DMD: variants seen among roughly 807,000 people sequenced by gnomAD.
DMD encodes mutant dystrophin.
In DMD, 63 loss-of-function variants were observed where a neutral mutation model predicts 330.1. The observed-to-expected ratio is 0.19, with a 90% confidence interval of 0.16 to 0.24. DMD has a LOEUF of 0.24. DMD is among the 10% of genes least tolerant of loss of function. The pLI is 1.00. For synonymous variants in DMD, 1,223 were observed against 959.8 expected (o/e 1.27, Z -5.07); for missense variants, 3,344 against 2,684.1 (o/e 1.25, Z -5.43).
chrX:32,095,697 T>G (rs964508572), intron 44 of DMD, among the ~76,000 whole-genome samples: 2 of 112,124 alleles, frequency 1.8e-5, no homozygotes, highest in African/African-American at 6.5e-5. Context: ...AATGTCAATC[T>G]TGCATTTTAA....
At chrX:32,132,807 C>A (rs1390442575) in intron 44 of DMD, among the ~76,000 whole-genome samples, 1 of 109,911 alleles carries the variant, frequency 9.1e-6, no homozygotes, top group African/African-American at 3.3e-5. Flanking sequence ...CATTGAATAC[C>A]CTTAGAGTTA....
At position 31,337,166 on chromosome X, in the gene DMD, G is replaced by A. The variant is rs772236418; in HGVS notation, c.9163+11390C>T. 3.6e-5 allele frequency among the ~76,000 whole-genome samples: 4 copies of A among 109,630 alleles called. No homozygotes were observed. In the Admixed American group the frequency reaches 3.9e-4, roughly 11 times the overall value. ...TCTCCAACTCCTGACCTCGTGATCC[G>A]CCCGCCTCAGCCTCCCAAAGTGCTG... is the stretch of plus-strand genomic sequence containing the variant. On this transcript the variant is annotated intron_variant, in intron 61 of 78. Transcript: ENST00000357033.
intron 43 of DMD, among the ~76,000 whole-genome samples, chrX:32,273,281 TAAAACAAAAC>T (rs74314252): frequency 9.3e-6 from 1 of 107,151 alleles, no homozygotes; most frequent in Non-Finnish European, 1.9e-5. Context: ...GCTCCTTAAA[TAAAACAAAAC>T]AAAACAAAAC....
At chrX:32,565,440 T>C (rs901240802) in intron 16 of DMD, among the ~76,000 whole-genome samples, 9 of 111,742 alleles carry the variant, frequency 8.1e-5, no homozygotes, top group African/African-American at 2.9e-4. Flanking sequence ...TTTGTTCGCC[T>C]GCTCTAAGTC....
intron 44 of DMD, among the ~76,000 whole-genome samples, chrX:32,171,649 T>C (rs1368310045): frequency 9.0e-6 from 1 of 111,356 alleles, no homozygotes; most frequent in Non-Finnish European, 1.9e-5. Flanking sequence ...CCCAATTTCA[T>C]CTAAGAGATG....
chrX:32,579,573 C>T (rs1480923105), intron 13 of DMD, among the ~76,000 whole-genome samples: 1 of 112,303 alleles, frequency 8.9e-6, no homozygotes, highest in Non-Finnish European at 1.9e-5. Flanking sequence ...ATCCAGATGC[C>T]GAATCCCTTT....
chrX:32,612,158 TG>T (rs1230565991), intron 12 of DMD, among the ~76,000 whole-genome samples: 1 of 111,587 alleles, frequency 9.0e-6, no homozygotes, highest in East Asian at 2.8e-4. Context: ...TCAGTCTTAC[TG>T]GGGAATCTCT....
At chrX:31,951,558 T>G (rs1454158522) in intron 45 of DMD, among the ~76,000 whole-genome samples, 1 of 110,557 alleles carries the variant, frequency 9.0e-6, no homozygotes, top group Non-Finnish European at 1.9e-5. Context: ...GTGCTTGCTC[T>G]AAAGATTACA....
At chrX:31,507,738 A>G (rs906179776) in intron 55 of DMD, among the ~76,000 whole-genome samples, 4 of 112,169 alleles carry the variant, frequency 3.6e-5, no homozygotes, top group African/African-American at 1.3e-4. Flanking sequence ...AAAGTTCACA[A>G]GTTATATCTT....
intron 52 of DMD, among the ~76,000 whole-genome samples, chrX:31,698,234 G>A (rs1486165104): frequency 9.0e-6 from 1 of 111,424 alleles, no homozygotes; most frequent in Non-Finnish European, 1.9e-5. Flanking sequence ...GAAGAGTGAC[G>A]GACATGACTA....
intron 44 of DMD, among the ~76,000 whole-genome samples, chrX:32,102,396 T>A (rs2096544255): frequency 9.0e-6 from 1 of 111,630 alleles, no homozygotes; most frequent in Non-Finnish European, 1.9e-5. Context: ...TCCTGTATTG[T>A]TCCTAACTCA....
At chrX:31,876,469 A>G (rs1234461689) in intron 47 of DMD, among the ~76,000 whole-genome samples, 3 of 111,944 alleles carry the variant, frequency 2.7e-5, no homozygotes, top group African/African-American at 9.7e-5. Context: ...ATCCCTGAAC[A>G]TACCTTAGAG....
intron 41 of DMD, among the ~76,000 whole-genome samples, chrX:32,339,281 C>T (rs1220354397): frequency 8.9e-6 from 1 of 111,955 alleles, no homozygotes; most frequent in Admixed American, 9.5e-5. Context: ...TGTGATAGTA[C>T]ATCCTATAGA....
chrX:31,335,725 G>A (rs1423961181), intron 61 of DMD, among the ~76,000 whole-genome samples: 2 of 112,351 alleles, frequency 1.8e-5, no homozygotes, highest in Non-Finnish European at 3.8e-5. Flanking sequence ...CCCAGTGACT[G>A]TAATGGGCCT....
At position 32,418,375 on chromosome X, in the gene DMD, A is replaced by C. The variant is rs143689798; in HGVS notation, c.4072-6462T>G. Among the ~76,000 whole-genome samples the C allele has an allele frequency of 7.3e-3, 821 of 111,765 alleles. 7 individuals are homozygous for C. Among genetic ancestry groups the C allele is most frequent in the African/African-American group, 0.025 (784 of 30,841 alleles). On this transcript the variant is annotated intron_variant, in intron 29 of 78. Coordinates refer to ENST00000357033, the MANE Select transcript of DMD (RefSeq NM_004006.3). ...TACGGGAGGTCTGAAGAGATAAAGA[A>C]CTTAAGAAATATCTGTGAAAAATGG...
At chrX:32,389,428 T>C in intron 32 of DMD, 73 bp downstream of exon 32, 3 of 1,049,752 alleles carry the variant, frequency 2.9e-6, no homozygotes, top group Non-Finnish European at 4.0e-6. Context: ...CAATTCTCTC[T>C]TATAAAAGAG....
At chrX:31,811,605 T>A (rs771485920) in intron 50 of DMD, among the ~76,000 whole-genome samples, 2 of 112,294 alleles carry the variant, frequency 1.8e-5, no homozygotes, top group East Asian at 5.6e-4. Flanking sequence ...TTGGAACTGA[T>A]TAAGGGTCTT....
intron 60 of DMD, among the ~76,000 whole-genome samples, chrX:31,396,278 C>G (rs1253077954): frequency 2.5e-4 from 28 of 110,119 alleles, no homozygotes; most frequent in Non-Finnish European, 5.1e-4. Flanking sequence ...GCTGGGACTA[C>G]AGGCGCCCGC....
At chrX:32,521,817 G>T (rs762539591) in intron 17 of DMD, among the ~76,000 whole-genome samples, 1 of 111,990 alleles carries the variant, frequency 8.9e-6, no homozygotes. Context: ...ACAAAAGTTC[G>T]TATGTTGAAG....
Sources: gnomAD v4.1 joint callset for allele counts (sites outside exome capture counted in the v4.1 genomes callset) on GRCh38, gnomAD v4.1.1 for gene constraint, MANE v1.5 for transcripts, NCBI Gene and HGNC (gene_info 2026-07-23, HGNC 2026-07-21) for gene names.